FRAS1: variants seen among roughly 807,000 people sequenced by gnomAD.
FRAS1 encodes extracellular matrix organizing protein FRAS1.
In FRAS1, 290 loss-of-function variants were observed where a neutral mutation model predicts 435.2. The observed-to-expected ratio is 0.67, with a 90% CI of 0.61 to 0.73. FRAS1 has a LOEUF of 0.73. Ranked by LOEUF, FRAS1 falls within the 30% of genes least tolerant of loss-of-function variation. The probability of loss-of-function intolerance (pLI) is 0.00; values close to 1 mark genes in which losing one functional copy is unlikely to be tolerated. For synonymous variants in FRAS1, 1,800 were observed against 1,851.0 expected, an observed-to-expected ratio of 0.97 and a Z score of 0.71; for missense variants, 4,860 against 5,001.5, an observed-to-expected ratio of 0.97 and a Z score of 0.85.
chr4:78,322,043 T>C (rs1416857743), intron 18 of FRAS1, among the ~76,000 whole-genome samples: 7 of 152,178 alleles, frequency 4.6e-5, no homozygotes, highest in Non-Finnish European at 8.8e-5. Context: ...AGGTAGGTTG[T>C]TGTACTCAAT....
intron 2 of FRAS1, among the ~76,000 whole-genome samples, chr4:78,112,081 G>T (rs763540175): frequency 3.3e-5 from 5 of 151,976 alleles, no homozygotes; most frequent in Admixed American, 6.6e-5. Context: ...TTCACCTTAG[G>T]GAATGTGTTG....
intron 59 of FRAS1, among the ~76,000 whole-genome samples, chr4:78,493,190 T>C (rs1409519878): frequency 6.6e-6 from 1 of 152,200 alleles, no homozygotes; most frequent in Non-Finnish European, 1.5e-5. Flanking sequence ...ATAGGAACAC[T>C]TTTACACTGT....
intron 20 of FRAS1, among the ~76,000 whole-genome samples, chr4:78,362,402 C>T (rs911416504): frequency 6.6e-6 from 1 of 152,214 alleles, no homozygotes; most frequent in African/African-American, 2.4e-5. Context: ...CTCATTTACT[C>T]AGCCTGCTGT....
At chr4:78,456,599 T>C (rs1281005654) in intron 47 of FRAS1, among the ~76,000 whole-genome samples, 3 of 152,180 alleles carry the variant, frequency 2.0e-5, no homozygotes, top group African/African-American at 7.2e-5. Flanking sequence ...ATATAGCAAT[T>C]TCCAGGACAA....
chr4:78,088,442 C>T (rs1041465899), intron 2 of FRAS1, among the ~76,000 whole-genome samples: 1 of 150,842 alleles, frequency 6.6e-6, no homozygotes. Context: ...TCTAATTAAA[C>T]TAAGGAGCTT....
At chr4:78,261,957 T>G (rs2110147784) in intron 6 of FRAS1, among the ~76,000 whole-genome samples, 1 of 152,320 alleles carries the variant, frequency 6.6e-6, no homozygotes, top group African/African-American at 2.4e-5. Context: ...CCAAGTTCCC[T>G]TCTTTCTATT....
intron 2 of FRAS1, among the ~76,000 whole-genome samples, chr4:78,155,716 C>T (rs985508548): frequency 1.3e-5 from 2 of 152,174 alleles, no homozygotes; most frequent in African/African-American, 2.4e-5. Flanking sequence ...TCTGCTTGCA[C>T]TGTGGTATCT....
At chr4:78,308,479 G>C (rs1434552702) in intron 15 of FRAS1, among the ~76,000 whole-genome samples, 1 of 152,298 alleles carries the variant, frequency 6.6e-6, no homozygotes, top group Non-Finnish European at 1.5e-5. Flanking sequence ...GCCTGCTCAA[G>C]ACCCACAGCT....
At chr4:78,396,005 A>G (rs1376232753) in intron 29 of FRAS1, among the ~76,000 whole-genome samples, 1 of 150,528 alleles carries the variant, frequency 6.6e-6, no homozygotes, top group Non-Finnish European at 1.5e-5. Flanking sequence ...ATTTCTCTTT[A>G]TTTTTTGTGT....
At chr4:78,083,840 C>T (rs766967746) in intron 2 of FRAS1, among the ~76,000 whole-genome samples, 3 of 151,774 alleles carry the variant, frequency 2.0e-5, no homozygotes, top group South Asian at 2.1e-4. Flanking sequence ...CATTAGAGAC[C>T]GGCAAAATGT....
intron 9 of FRAS1, 78 bp downstream of exon 9, chr4:78,267,510 A>C: frequency 7.3e-7 from 1 of 1,361,440 alleles, no homozygotes; most frequent in Non-Finnish European, 1.0e-6. Flanking sequence ...CCTGTTCTTT[A>C]CTTCTTGGCA....
rs1036686458 is a variant in FRAS1, at chr4:78,518,440, ATATATATATATATTTATTTATT to A, written c.10390-887_10390-866del. On this transcript the variant is annotated intron_variant, in intron 66 of 73. Coordinates refer to ENST00000512123, the MANE Select transcript of FRAS1 (RefSeq NM_025074.7). Reference sequence around the variant, plus strand: ...TTGTTGTGTATATATATATATATATATATATATATATATTTATTTATTTATTTATTTGTGGAAAAAAGTATAA... The same window carrying A: ...TTGTTGTGTATATATATATATATATATATTTATTTGTGGAAAAAAGTATAA... Among the ~76,000 whole-genome samples, 3 of 121,616 alleles carry A rather than the reference ATATATATATATATTTATTTATT, an allele frequency of 2.5e-5. 1 individual carries two copies. Among genetic ancestry groups the A allele is most frequent in the African/African-American group, 6.6e-5 (2 of 30,224 alleles). The allele number at this position is 121,616 out of a possible 152,430, so 79.8% of individuals were successfully genotyped here.
chr4:78,177,348 G>T (rs1035516764), intron 2 of FRAS1, among the ~76,000 whole-genome samples: 3 of 152,170 alleles, frequency 2.0e-5, no homozygotes, highest in African/African-American at 7.2e-5. Flanking sequence ...ATTCTAAATG[G>T]TATTTTTGAA....
intron 4 of FRAS1, among the ~76,000 whole-genome samples, chr4:78,249,072 T>TATATATGCATATATATATATATATGC (rs1553934060): frequency 1.8e-5 from 2 of 111,922 alleles, no homozygotes; most frequent in African/African-American, 6.1e-5. Context: ...TGCATATATA[T>TATATATGCATATATATATATATATGC]ATATATATAT....
At chr4:78,403,650 G>C (rs571161429) in intron 30 of FRAS1, among the ~76,000 whole-genome samples, 1 of 152,290 alleles carries the variant, frequency 6.6e-6, no homozygotes, top group Non-Finnish European at 1.5e-5. Flanking sequence ...TATAGTATGT[G>C]CATGAAGGAC....
In FRAS1 at chr4:78,363,970, A is replaced by C; in HGVS notation, c.2638A>C (p.Thr880Pro). The change falls in exon 22 of 74, where the codon ACC (threonine) becomes CCC (proline). Residue 880 changes from threonine (T) to proline (P), a missense_variant. Transcript: ENST00000512123. ...RGPFSCSSCD[T>P]NLVLSHTGTC... ...ACCTTTCTCCTGCTCCTCATGTGAC[A>C]CCAACCTCGTGCTGTCCCACACTGG... The C allele has an allele frequency of 3.7e-6, 6 of 1,613,040 alleles. No homozygotes were observed. In the Admixed American group the frequency reaches 8.3e-5, roughly 22 times the overall value.
At position 78,421,880 on chromosome 4, in the gene FRAS1, G is replaced by C. The variant is rs1733802048; in HGVS notation, c.4558G>C (p.Asp1520His). The change falls in exon 34 of 74, where the codon GAC (aspartate) becomes CAC (histidine). Residue 1520 changes from aspartate to histidine, a missense_variant. Physicochemically the swap from Asp to His is moderately conservative, Grantham distance 81. Coordinates refer to ENST00000512123, the MANE Select transcript of FRAS1 (RefSeq NM_025074.7). The part of the protein sequence containing the change: ...HPNQGIIEHR[D>H]HPHSPIRYFT... Reference sequence around the variant, plus strand: ...CCTCCCAGGTATCATCGAGCACCGGGACCACCCTCACTCTCCTATCCGGTA... The same window carrying C: ...CCTCCCAGGTATCATCGAGCACCGGCACCACCCTCACTCTCCTATCCGGTA... 1.9e-6 allele frequency: 3 copies of C among 1,613,730 alleles called. No homozygotes were observed. The East Asian group carries it at 6.7e-5, about 36-fold the overall frequency.
chr4:78,202,766 C>T (rs140946427), intron 2 of FRAS1, among the ~76,000 whole-genome samples: 7 of 152,324 alleles, frequency 4.6e-5, no homozygotes, highest in African/African-American at 1.7e-4. Flanking sequence ...GAACACGGAA[C>T]CCACATGTTT....
At chr4:78,096,770 C>A (rs1422597872) in intron 2 of FRAS1, among the ~76,000 whole-genome samples, 1 of 152,218 alleles carries the variant, frequency 6.6e-6, no homozygotes, top group Non-Finnish European at 1.5e-5. Flanking sequence ...CCCACGAAAC[C>A]ACTTTTTCCT....
Sources: gnomAD v4.1 joint callset for allele counts (sites outside exome capture counted in the v4.1 genomes callset) on GRCh38, gnomAD v4.1.1 for gene constraint, MANE v1.5 for transcripts, NCBI Gene and HGNC (gene_info 2026-07-23, HGNC 2026-07-21) for gene names.